The following ITGA6 variants were observed in gnomAD, a reference collection of about 807,000 sequenced individuals.
The protein encoded by ITGA6 is integrin alpha-6.
In ITGA6, 63 loss-of-function variants were observed where a neutral mutation model predicts 133.6. The ratio of observed to expected loss-of-function variants is 0.47; its 90% CI spans 0.38 to 0.58. ITGA6 has a LOEUF of 0.58. Ranked by LOEUF, ITGA6 falls within the 20% of genes least tolerant of loss-of-function variation. ITGA6 has a pLI of 0.00. For synonymous variants in ITGA6, 434 were observed against 482.0 expected (o/e 0.90, Z 1.30); for missense variants, 1,068 against 1,309.4 (o/e 0.82, Z 2.85).
At chr2:172,461,947 C>T (rs973893375) in intron 1 of ITGA6, among the ~76,000 whole-genome samples, 2 of 152,158 alleles carry the variant, frequency 1.3e-5, no homozygotes, top group African/African-American at 4.8e-5. Context: ...CTCTATTTAC[C>T]TTATTTATTG....
chr2:172,446,970 T>C (rs1684792804), intron 1 of ITGA6, among the ~76,000 whole-genome samples: 1 of 152,036 alleles, frequency 6.6e-6, no homozygotes, highest in Non-Finnish European at 1.5e-5. Flanking sequence ...CAATCTTGGC[T>C]TAGTGCAACC....
At position 172,489,482 on chromosome 2, in the gene ITGA6, C is replaced by T. The variant is rs780189459; in HGVS notation, c.2506-3C>T. 1.2e-6 allele frequency: 2 copies of T among 1,605,572 alleles called. No individual in the cohort carries two copies. The highest frequency in any genetic ancestry group is 8.5e-7 in the Non-Finnish European group (1 of 1,172,206). On this transcript the variant is annotated splice_polypyrimidine_tract_variant and splice_region_variant and intron_variant, in intron 19 of 25. Coordinates refer to ENST00000684293, the MANE Select transcript of ITGA6 (RefSeq NM_000210.4). ...TGAGATAATATGTATTATTTTCTAA[C>T]AGGTAATAAACTTAGGTAAACCTCT...
In ITGA6 at chr2:172,501,786, G is replaced by C. The variant is rs759917448; in HGVS notation, c.3129G>C (p.Lys1043Asn). ...CTTCCTTGTAGTGTGGTTTCTTCAA[G>C]AGAAATAAGAAAGATCATTATGATG... Reference protein sequence around the residue: ...VFILWKCGFFKRNKKDHYDAT... With the variant: ...VFILWKCGFFNRNKKDHYDAT... The change falls in exon 25 of 26, where the codon AAG (lysine) becomes AAC (asparagine). Residue 1043 changes from lysine (K) to asparagine (N), a missense_variant. Lys to Asn is a moderately conservative substitution (Grantham distance 94). This residue lies in a region of ITGA6 where 609 missense variants were observed against 707.2 expected (regional missense o/e 0.86). Coordinates refer to ENST00000684293, the MANE Select transcript of ITGA6 (RefSeq NM_000210.4). The C allele has an allele frequency of 1.4e-5, 23 of 1,612,474 alleles. No individual in the cohort carries two copies. The highest frequency in any genetic ancestry group is 3.3e-4 in the Middle Eastern group (2 of 6,082).
chr2:172,435,718 C>G (rs934318737), intron 1 of ITGA6, among the ~76,000 whole-genome samples: 1 of 148,458 alleles, frequency 6.7e-6, no homozygotes, highest in African/African-American at 2.5e-5. Flanking sequence ...CCTTGACCTC[C>G]TTGGGCTTAG....
chr2:172,469,449 TTG>T, intron 4 of ITGA6, 69 bp downstream of exon 4: 7 of 771,504 alleles, frequency 9.1e-6, no homozygotes, highest in Admixed American at 4.4e-5. Context: ...TTAGTACATT[TTG>T]AGCTAAAATG....
chr2:172,448,163 C>T (rs1187403717), intron 1 of ITGA6, among the ~76,000 whole-genome samples: 2 of 152,154 alleles, frequency 1.3e-5, no homozygotes, highest in Admixed American at 1.3e-4. Flanking sequence ...TGGTCTTGTG[C>T]TCCAGTTAAA....
intron 23 of ITGA6, chr2:172,495,538 CA>C (rs58951344): frequency 0.023 from 3,560 of 151,632 alleles, 143 homozygotes; most frequent in African/African-American, 0.081. Flanking sequence ...GAAACAAAAA[CA>C]AAAAAAACAA....
intron 1 of ITGA6, among the ~76,000 whole-genome samples, chr2:172,464,944 GA>G (rs66475010): frequency 0.22 from 32,148 of 147,592 alleles, 4,692 homozygotes; most frequent in East Asian, 0.76. Context: ...AAACTGGAGG[GA>G]AAAAAAAAAA....
intron 1 of ITGA6, among the ~76,000 whole-genome samples, chr2:172,461,470 T>C (rs946332102): frequency 1.3e-5 from 2 of 152,240 alleles, no homozygotes; most frequent in Non-Finnish European, 2.9e-5. Flanking sequence ...TCTCAGGCTC[T>C]GCTCTGTTAA....
chr2:172,465,440 T>C, intron 1 of ITGA6, 99 bp from the exon 2 acceptor site: 2 of 1,420,066 alleles, frequency 1.4e-6, no homozygotes, highest in South Asian at 1.1e-5. Flanking sequence ...AGTGGACTCC[T>C]AGACAAAGAA....
At chr2:172,437,778 A>G (rs747512874) in intron 1 of ITGA6, among the ~76,000 whole-genome samples, 3 of 151,958 alleles carry the variant, frequency 2.0e-5, no homozygotes, top group Non-Finnish European at 1.5e-5. Flanking sequence ...CCTGAGCCCT[A>G]TGGTGTTCTT....
chr2:172,491,183 C>T lies in ITGA6; in HGVS notation c.2779-38C>T, dbSNP rs760545294. 1.7e-5 allele frequency: 25 copies of T among 1,447,600 alleles called. No homozygotes were observed. In the Admixed American group the frequency reaches 4.2e-4, roughly 24 times the overall value. The allele number at this position is 1,447,600 out of a possible 1,614,324, so 89.7% of individuals were successfully genotyped here. ...GATGAGGGGAAGGATTTCTTCAGAA[C>T]AATGTCTTTTGATGACCATTCTTCT... On this transcript the variant is annotated intron_variant, in intron 21 of 25. Coordinates refer to ENST00000684293, the MANE Select transcript of ITGA6 (RefSeq NM_000210.4). This position sits in a 1 kb window ranked among gnomAD's most constrained non-coding sequence, Gnocchi z 4.4.
chr2:172,465,618 A>T lies in ITGA6; in HGVS notation c.262A>T (p.Ile88Phe). The change falls in exon 2 of 26, where the codon ATC becomes TTC. Residue 88 changes from isoleucine to phenylalanine, a missense_variant. Around this residue, in one of 3 missense-constraint regions of ITGA6, gnomAD observed 142 missense variants for 145.3 expected, o/e 0.98. Transcript: ENST00000684293. ...NRTGGLYSCDITARGPCTRIE... is the reference protein window; with the variant it reads ...NRTGGLYSCDFTARGPCTRIE... ...AACGGGAGGGCTGTACAGCTGCGACATCACCGCCCGGGGGCCATGCACGCG... is the reference window on the plus strand; with the variant it reads ...AACGGGAGGGCTGTACAGCTGCGACTTCACCGCCCGGGGGCCATGCACGCG... 1.2e-6 allele frequency: 2 copies of T among 1,614,230 alleles called. No homozygotes were observed. The highest frequency in any genetic ancestry group is 1.7e-6 in the Non-Finnish European group (2 of 1,180,040).
chr2:172,451,105 A>G (rs1411197468), intron 1 of ITGA6, among the ~76,000 whole-genome samples: 1 of 151,392 alleles, frequency 6.6e-6, no homozygotes, highest in Non-Finnish European at 1.5e-5. Flanking sequence ...CCGTAAGCCA[A>G]GATTGCACCA....
intron 1 of ITGA6, among the ~76,000 whole-genome samples, chr2:172,428,925 G>A (rs1246352118): frequency 6.6e-6 from 1 of 152,170 alleles, no homozygotes; most frequent in Non-Finnish European, 1.5e-5. Flanking sequence ...TCGCTATGGG[G>A]TTGCATTCTT....
In ITGA6 at chr2:172,465,866, C is replaced by G. The variant is rs932207091; in HGVS notation, c.307+203C>G. On this transcript the variant is annotated intron_variant, in intron 2 of 25. Coordinates refer to ENST00000684293, the MANE Select transcript of ITGA6 (RefSeq NM_000210.4). The stretch of plus-strand genomic sequence containing the variant: ...CTGGGATGCCGCGTGTTTTGCTGCT[C>G]CTCCTAACCGTGGTTTCTAAACCGA... 1.1e-5 allele frequency: 8 copies of G among 743,482 alleles called. 1 individual carries two copies. The highest frequency in any genetic ancestry group is 8.5e-5 in the South Asian group (5 of 59,058). The allele number at this position is 743,482 out of a possible 1,614,324, so 46.1% of individuals were successfully genotyped here.
In ITGA6 at chr2:172,474,946, T is replaced by C. The variant is rs1354355081; in HGVS notation, c.1004T>C (p.Ile335Thr). The C allele has an allele frequency of 6.4e-7, 1 of 1,568,818 alleles. No individual in the cohort carries two copies. Among genetic ancestry groups the C allele is most frequent in the Non-Finnish European group, 8.8e-7 (1 of 1,138,658 alleles). ...LNKDGWQDIVIGAPQYFDRDG... is the reference protein window; with the variant it reads ...LNKDGWQDIVTGAPQYFDRDG... ...GTTTTTAGGTGGCAAGATATAGTTA[T>C]TGGAGCCCCACAGTATTTTGATAGA... The change falls in exon 7 of 26, where the codon ATT becomes ACT. Residue 335 changes from isoleucine (I) to threonine (T), a missense_variant. Physicochemically the swap from Ile to Thr is moderately conservative, Grantham distance 89. Transcript: ENST00000684293.
chr2:172,458,081 G>A (rs17676243), intron 1 of ITGA6, among the ~76,000 whole-genome samples: 24,600 of 151,948 alleles, frequency 0.16, 2,214 homozygotes, highest in Non-Finnish European at 0.2. Flanking sequence ...TGATTCCATC[G>A]TTCCCTACCT....
chr2:172,458,627 A>G (rs1685308859), intron 1 of ITGA6, among the ~76,000 whole-genome samples: 1 of 152,206 alleles, frequency 6.6e-6, no homozygotes, highest in Non-Finnish European at 1.5e-5. Context: ...ACTCCCTTTC[A>G]GAATTCCTGC....
Sources: gnomAD v4.1 joint callset for allele counts (sites outside exome capture counted in the v4.1 genomes callset) on GRCh38, gnomAD v4.1.1 for gene constraint, gnomAD v4.1.1 regional missense constraint, Gnocchi (gnomAD v3.1) non-coding constraint, MANE v1.5 for transcripts, NCBI Gene and HGNC (gene_info 2026-07-23, HGNC 2026-07-21) for gene names.